The following PRR16 variants were observed in gnomAD, a reference collection of about 807,000 sequenced individuals.
The protein encoded by PRR16 is protein Largen.
In PRR16, 6 loss-of-function variants were observed where a neutral mutation model predicts 18.2. The ratio of observed to expected loss-of-function variants is 0.33; its 90% CI spans 0.18 to 0.65. PRR16 has a LOEUF of 0.65. Ranked by LOEUF, PRR16 falls within the 30% of genes least tolerant of loss-of-function variation. PRR16 has a pLI of 0.74. For synonymous variants in PRR16, 151 were observed against 147.8 expected, an observed-to-expected ratio of 1.02 and a Z score of -0.16; for missense variants, 412 against 376.6, an observed-to-expected ratio of 1.09 and a Z score of -0.78.
chr5:120,631,150 A>G (rs1755039387), intron 1 of PRR16, among the ~76,000 whole-genome samples: 1 of 152,214 alleles, frequency 6.6e-6, no homozygotes, highest in African/African-American at 2.4e-5. Flanking sequence ...AGACATCCTT[A>G]TCATTATATA....
At chr5:120,620,839 T>C (rs1474724233) in intron 1 of PRR16, among the ~76,000 whole-genome samples, 1 of 152,138 alleles carries the variant, frequency 6.6e-6, no homozygotes, top group Non-Finnish European at 1.5e-5. Context: ...ATACCAACTA[T>C]ATATGAATGA....
the PRR16 span, among the ~76,000 whole-genome samples, chr5:120,716,826 T>C: frequency 1.3e-5 from 2 of 152,168 alleles, no homozygotes; most frequent in African/African-American, 4.8e-5. Flanking sequence ...GAGCTGAGAT[T>C]GCATCACTGC....
chr5:120,728,360 T>C, the PRR16 span, among the ~76,000 whole-genome samples: 1 of 151,854 alleles, frequency 6.6e-6, no homozygotes, highest in Non-Finnish European at 1.5e-5. Context: ...GGAAGGATGT[T>C]TCATATTAAA....
chr5:120,484,527 A>G (rs773644243), intron 1 of PRR16, among the ~76,000 whole-genome samples: 19 of 145,566 alleles, frequency 1.3e-4, no homozygotes, highest in Non-Finnish European at 2.6e-4. Flanking sequence ...ATATAAATGT[A>G]TGTACAATAT....
chr5:120,664,224 G>A (rs1268798023), intron 1 of PRR16, among the ~76,000 whole-genome samples: 2 of 151,932 alleles, frequency 1.3e-5, no homozygotes, highest in Non-Finnish European at 2.9e-5. Flanking sequence ...GCTTGAACCT[G>A]GGAGGTGGAG....
the PRR16 span, among the ~76,000 whole-genome samples, chr5:120,752,664 A>G: frequency 6.6e-6 from 1 of 151,988 alleles, no homozygotes; most frequent in African/African-American, 2.4e-5. Context: ...AAAAAGTCAT[A>G]AATATATTAT....
At chr5:120,641,097 C>G (rs149676182) in intron 1 of PRR16, among the ~76,000 whole-genome samples, 1 of 152,100 alleles carries the variant, frequency 6.6e-6, no homozygotes, top group Non-Finnish European at 1.5e-5. Flanking sequence ...AAAGGGAAAC[C>G]GTGAGGGTGA....
At chr5:120,605,406 G>A (rs1172281472) in intron 1 of PRR16, among the ~76,000 whole-genome samples, 2 of 152,134 alleles carry the variant, frequency 1.3e-5, no homozygotes, top group Non-Finnish European at 2.9e-5. Flanking sequence ...AAATGTCTAT[G>A]TTGTCTTTCA....
At chr5:120,711,936 C>G in the PRR16 span, among the ~76,000 whole-genome samples, 1 of 152,138 alleles carries the variant, frequency 6.6e-6, no homozygotes, top group African/African-American at 2.4e-5. Context: ...AATTTCCTCT[C>G]CCATTTCCAC....
At chr5:120,737,258 T>C in the PRR16 span, among the ~76,000 whole-genome samples, 12 of 150,856 alleles carry the variant, frequency 8.0e-5, no homozygotes, top group Non-Finnish European at 1.5e-4. Flanking sequence ...CTTTTACATA[T>C]ATGGCTTTAG....
the PRR16 span, among the ~76,000 whole-genome samples, chr5:120,760,120 A>G: frequency 2.0e-5 from 3 of 152,130 alleles, no homozygotes; most frequent in Non-Finnish European, 2.9e-5. Context: ...ATTACTACAC[A>G]TGTATAATTG....
At chr5:120,601,991 G>A (rs565304692) in intron 1 of PRR16, among the ~76,000 whole-genome samples, 2 of 152,110 alleles carry the variant, frequency 1.3e-5, no homozygotes, top group African/African-American at 4.8e-5. Flanking sequence ...TCAAAGTCAG[G>A]TAGTGTGATG....
chr5:120,472,599 A>G (rs1253837827), intron 1 of PRR16, among the ~76,000 whole-genome samples: 1 of 152,206 alleles, frequency 6.6e-6, no homozygotes, highest in African/African-American at 2.4e-5. Context: ...TTGCCATTTT[A>G]TTTTTTAGAA....
intron 1 of PRR16, among the ~76,000 whole-genome samples, chr5:120,571,834 G>A (rs934214575): frequency 2.0e-5 from 3 of 152,160 alleles, no homozygotes; most frequent in African/African-American, 7.2e-5. Flanking sequence ...GAGGGCCTAA[G>A]TGAGTTCATT....
At position 120,667,068 on chromosome 5, in the gene PRR16, G is replaced by A. The variant is rs963264102; in HGVS notation, c.160-18886G>A. Among the ~76,000 whole-genome samples the A allele has an allele frequency of 3.1e-3, 478 of 151,942 alleles. 1 individual carries two copies. The highest frequency in any genetic ancestry group is 0.011 in the African/African-American group (443 of 41,418). The stretch of plus-strand genomic sequence containing the variant: ...CCTCCTTGTACCTCTGGTAGAATTC[G>A]GCTGTGAATCCATCTGGTCCTGGAC... On this transcript the variant is annotated intron_variant, in intron 1 of 1. Coordinates refer to ENST00000407149, the MANE Select transcript of PRR16 (RefSeq NM_001300783.2).
At chr5:120,465,965 G>A (rs1379023698) in intron 1 of PRR16, among the ~76,000 whole-genome samples, 1 of 152,080 alleles carries the variant, frequency 6.6e-6, no homozygotes, top group Non-Finnish European at 1.5e-5. Flanking sequence ...TCTATGAACT[G>A]AACTCTGCAT....
At chr5:120,549,552 A>G (rs10069634) in intron 1 of PRR16, among the ~76,000 whole-genome samples, 37,099 of 151,816 alleles carry the variant, frequency 0.24, 4,726 homozygotes, top group Non-Finnish European at 0.26. Flanking sequence ...CTTTCTATTT[A>G]CAGAAACATT....
chr5:120,534,213 A>G (rs1414335276), intron 1 of PRR16, among the ~76,000 whole-genome samples: 1 of 152,220 alleles, frequency 6.6e-6, no homozygotes, highest in Non-Finnish European at 1.5e-5. Flanking sequence ...TTAAAGCCAT[A>G]AAACTAATGA....
At chr5:120,706,704 T>C in the PRR16 span, among the ~76,000 whole-genome samples, 2 of 152,206 alleles carry the variant, frequency 1.3e-5, no homozygotes, top group Non-Finnish European at 2.9e-5. Context: ...TCTTGTCAAA[T>C]AAAAATTGCA....
Sources: allele counts gnomAD v4.1 joint callset (sites outside exome capture counted in the v4.1 genomes callset), GRCh38; gene constraint gnomAD v4.1.1; transcripts MANE v1.5; gene names NCBI Gene and HGNC (gene_info 2026-07-23, HGNC 2026-07-21).